The following CHD7 variants were observed in gnomAD, a reference collection of about 807,000 sequenced individuals.
CHD7 encodes the protein ATP-dependent chromatin remodeler CHD7.
In CHD7, 24 loss-of-function variants were observed where a neutral mutation model predicts 307.3. The observed-to-expected ratio is 0.08, with a 90% CI of 0.06 to 0.11. The LOEUF is 0.11. CHD7 is among the 10% of genes least tolerant of loss of function. The pLI is 1.00. For synonymous variants in CHD7, 1,363 were observed against 1,349.9 expected (o/e 1.01, Z -0.21); for missense variants, 3,106 against 3,727.1 (o/e 0.83, Z 4.34).
chr8:60,829,525 C>T (rs563546377), intron 14 of CHD7, among the ~76,000 whole-genome samples: 28 of 152,170 alleles, frequency 1.8e-4, no homozygotes, highest in Admixed American at 1.6e-3. Context: ...CACTTGAACC[C>T]GGGAGGCAGA....
At chr8:60,841,492 G>T (rs902861183) in intron 19 of CHD7, among the ~76,000 whole-genome samples, 152 bp from the exon 20 acceptor site, 1 of 152,218 alleles carries the variant, frequency 6.6e-6, no homozygotes, top group Non-Finnish European at 1.5e-5. Context: ...AGCTGCCTGA[G>T]GGCCAGTCTG....
chr8:60,771,152 C>G (rs967162635), intron 2 of CHD7, among the ~76,000 whole-genome samples: 1 of 152,188 alleles, frequency 6.6e-6, no homozygotes. Flanking sequence ...GAAGGAAGTC[C>G]TGCTGTGCTG....
At position 60,856,456 on chromosome 8, in the gene CHD7, C is replaced by T; in HGVS notation, c.7176C>T (p.Leu2392=). ...GAATTTTTCAATAGGAAGATGCCCTCAACCTCTCTGTCCCTCGCCAGCGGA... is the reference window on the plus strand; with the variant it reads ...GAATTTTTCAATAGGAAGATGCCCTTAACCTCTCTGTCCCTCGCCAGCGGA... ...TSPQLSKEDA[L]NLSVPRQRRR... Residue 2392 remains leucine, a synonymous_variant, in exon 34 of 38, where the codon CTC becomes CTT. Coordinates refer to ENST00000423902, the MANE Select transcript of CHD7 (RefSeq NM_017780.4). The T allele has an allele frequency of 6.2e-7, 1 of 1,610,972 alleles. No individual in the cohort carries two copies. The highest frequency in any genetic ancestry group is 8.5e-7 in the Non-Finnish European group (1 of 1,178,194).
chr8:60,846,882 C>T (rs1805232268), intron 23 of CHD7, among the ~76,000 whole-genome samples: 1 of 152,240 alleles, frequency 6.6e-6, no homozygotes, highest in Non-Finnish European at 1.5e-5. Context: ...GCAGCCTCAG[C>T]TTGGAAGTCT....
intron 2 of CHD7, among the ~76,000 whole-genome samples, chr8:60,750,724 T>C (rs1809602807): frequency 6.6e-6 from 1 of 152,262 alleles, no homozygotes; most frequent in Non-Finnish European, 1.5e-5. Flanking sequence ...GCATCTCAGT[T>C]GCTCAGTGAC....
At chr8:60,782,940 T>G (rs533071010) in intron 3 of CHD7, among the ~76,000 whole-genome samples, 108 of 152,212 alleles carry the variant, frequency 7.1e-4, no homozygotes, top group South Asian at 1.9e-3. Context: ...GAGAAAGAAA[T>G]CAAAGCAAAA....
chr8:60,765,604 G>A lies in CHD7; in HGVS notation c.1666-15396G>A, dbSNP rs74722099. 8.1e-3 allele frequency among the ~76,000 whole-genome samples: 1,240 copies of A among 152,312 alleles called. 22 individuals are homozygous for A. Among genetic ancestry groups the A allele is most frequent in the African/African-American group, 0.029 (1,188 of 41,562 alleles). ...GGCAGGAGGAATGATAAATCCACAA[G>A]CACTAAATTGGGAAAGAGCAAAGTG... On this transcript the variant is annotated intron_variant, in intron 2 of 37. Transcript: ENST00000423902.
Position 60,821,921 on chromosome 8 carries a change from G to C in CHD7, c.2829G>C (p.Glu943Asp). 6.2e-7 allele frequency: 1 copy of C among 1,613,248 alleles called. No homozygotes were observed. Among genetic ancestry groups the C allele is most frequent in the Non-Finnish European group, 8.5e-7 (1 of 1,179,570 alleles). ...TAATGTCCAGGGAGCCGGAAACAGAGCGTGTGGTAAGAATTGGCTGATGGT... is the reference window on the plus strand; with the variant it reads ...TAATGTCCAGGGAGCCGGAAACAGACCGTGTGGTAAGAATTGGCTGATGGT... ...EKLMSREPET[E>D]RVERPPADDW... is the part of the protein sequence containing the mutation. The change falls in exon 10 of 38, where the codon GAG becomes GAC. Residue 943 changes from glutamate to aspartate, a missense_variant. By Grantham distance (45) the Glu-to-Asp change is conservative. Coordinates refer to ENST00000423902, the MANE Select transcript of CHD7 (RefSeq NM_017780.4).
At chr8:60,834,772 C>G (rs574970283) in intron 15 of CHD7, among the ~76,000 whole-genome samples, 1 of 152,298 alleles carries the variant, frequency 6.6e-6, no homozygotes, top group Middle Eastern at 3.4e-3. Flanking sequence ...GGCTGTATTT[C>G]TGCATTTGAC....
intron 1 of CHD7, among the ~76,000 whole-genome samples, chr8:60,683,477 G>A (rs1027302823): frequency 5.3e-5 from 8 of 152,184 alleles, no homozygotes; most frequent in African/African-American, 1.9e-4. Flanking sequence ...AATTGTAAAT[G>A]AAATCACATC....
At chr8:60,692,164 T>TA (rs1318510397) in intron 1 of CHD7, among the ~76,000 whole-genome samples, 1 of 152,246 alleles carries the variant, frequency 6.6e-6, no homozygotes, top group Non-Finnish European at 1.5e-5. Flanking sequence ...CAAAAATTCT[T>TA]ACAGTGTATT....
intron 2 of CHD7, among the ~76,000 whole-genome samples, chr8:60,773,900 TTTAGTTCGGA>T (rs1176747569): frequency 1.3e-5 from 2 of 152,222 alleles, no homozygotes; most frequent in African/African-American, 2.4e-5. Context: ...TCTCTACAGC[TTTAGTTCGGA>T]ACTAAACTAG....
At chr8:60,806,479 T>C (rs953911479) in intron 6 of CHD7, among the ~76,000 whole-genome samples, 7 of 152,220 alleles carry the variant, frequency 4.6e-5, no homozygotes, top group Non-Finnish European at 7.3e-5. Flanking sequence ...AATTCCATGT[T>C]CCATTTATGT....
chr8:60,846,889 G>A (rs984851462), intron 23 of CHD7, among the ~76,000 whole-genome samples: 4 of 152,216 alleles, frequency 2.6e-5, no homozygotes, highest in Admixed American at 1.3e-4. Flanking sequence ...CAGCTTGGAA[G>A]TCTTCCCTGC....
chr8:60,719,190 G>T (rs78658871), intron 1 of CHD7, among the ~76,000 whole-genome samples: 2,001 of 152,332 alleles, frequency 0.013, 16 homozygotes, highest in Non-Finnish European at 0.019. Flanking sequence ...ACACTATTTG[G>T]ATATGGGAAA....
At position 60,821,784 on chromosome 8, in the gene CHD7, G is replaced by C; in HGVS notation, c.2698-6G>C. The C allele has an allele frequency of 6.4e-7, 1 of 1,552,734 alleles. No homozygotes were observed. The highest frequency in any genetic ancestry group is 8.7e-7 in the Non-Finnish European group (1 of 1,147,714). Reference sequence around the variant, plus strand: ...TCCAATTCTGATTTATTTAAATCTGGTCCAGCCTGTGACTCACTATCTGGT... The same window carrying C: ...TCCAATTCTGATTTATTTAAATCTGCTCCAGCCTGTGACTCACTATCTGGT... On this transcript the variant is annotated splice_region_variant and splice_polypyrimidine_tract_variant and intron_variant, in intron 9 of 37. Transcript: ENST00000423902.
rs944477558 is a variant in CHD7 at position 60,850,972 on chromosome 8, C to A, written c.5535-60C>A. On this transcript the variant is annotated intron_variant, in intron 26 of 37. Transcript: ENST00000423902. The stretch of plus-strand genomic sequence containing the variant: ...AGATTATTACTCTTTCCTACCCACC[C>A]CCCTTCCTTCTTTTGCTTATCAGTA... 29 of 1,201,312 alleles carry A rather than the reference C, an allele frequency of 2.4e-5. No homozygotes were observed. The Admixed American group carries it at 2.8e-4, about 12-fold the overall frequency. The allele number at this position is 1,201,312 out of a possible 1,614,324, so 74.4% of individuals were successfully genotyped here. A position where few individuals can be genotyped will look rare whatever the true frequency, so the allele number is the denominator to read the frequency against.
intron 2 of CHD7, among the ~76,000 whole-genome samples, chr8:60,768,125 C>T (rs1810557743): frequency 1.3e-5 from 2 of 152,010 alleles, no homozygotes; most frequent in South Asian, 4.1e-4. Context: ...GAGAAACTTC[C>T]TTAATACTCC....
intron 1 of CHD7, among the ~76,000 whole-genome samples, chr8:60,739,393 C>T (rs1808875783): frequency 6.6e-6 from 1 of 152,172 alleles, no homozygotes. Flanking sequence ...GCTTAGCCTT[C>T]TTAGGAGTGT....
Sources: gnomAD v4.1 joint callset for allele counts (sites outside exome capture counted in the v4.1 genomes callset) on GRCh38, gnomAD v4.1.1 for gene constraint, MANE v1.5 for transcripts, NCBI Gene and HGNC (gene_info 2026-07-23, HGNC 2026-07-21) for gene names.